LRRK2: variants seen among roughly 807,000 people sequenced by gnomAD.
LRRK2 encodes the protein leucine-rich repeat serine/threonine-protein kinase 2.
In LRRK2, 203 loss-of-function variants were observed where a neutral mutation model predicts 302.6. That is an observed-to-expected ratio of 0.67 (90% CI 0.60 to 0.75). The LOEUF (loss-of-function observed/expected upper bound fraction) is 0.75. LRRK2 is among the 30% of genes least tolerant of loss of function. LRRK2 has a pLI of 0.00. For missense variants in LRRK2, 2,830 were observed against 2,951.0 expected, an observed-to-expected ratio of 0.96 and a Z score of 0.95; for synonymous variants, 1,066 against 1,031.9, an observed-to-expected ratio of 1.03 and a Z score of -0.63.
intron 6 of LRRK2, among the ~76,000 whole-genome samples, chr12:40,242,179 G>A (rs1222954552): frequency 1.3e-5 from 2 of 152,084 alleles, no homozygotes; most frequent in Admixed American, 6.6e-5. Context: ...TTGCTTTTCA[G>A]TCTTTAAGTC....
At chr12:40,313,912 C>A in intron 31 of LRRK2, 60 bp from the exon 32 acceptor site, 1 of 1,444,114 alleles carries the variant, frequency 6.9e-7, no homozygotes. Context: ...AATTTGCCAA[C>A]CATTTGACAA....
At chr12:40,264,696 G>A (rs1441873171) in intron 14 of LRRK2, among the ~76,000 whole-genome samples, 5 of 152,098 alleles carry the variant, frequency 3.3e-5, no homozygotes, top group East Asian at 1.9e-4. Flanking sequence ...ATTGTTCTCC[G>A]GAGAAATAAC....
rs201807960 is a variant in LRRK2, at chr12:40,328,417, T to C, written c.5714T>C (p.Val1905Ala). 1.9e-5 allele frequency: 30 copies of C among 1,613,584 alleles called. No individual in the cohort carries two copies. Among genetic ancestry groups the C allele is most frequent in the Non-Finnish European group, 2.5e-5 (29 of 1,179,730 alleles). The change falls in exon 39 of 51, where the codon GTG becomes GCG. Residue 1905 changes from valine (V) to alanine (A), a missense_variant. Val to Ala is a moderately conservative substitution (Grantham distance 64). This residue lies in a region of LRRK2 where 253 missense variants were observed against 346.7 expected (regional missense o/e 0.73). Coordinates refer to ENST00000298910, the MANE Select transcript of LRRK2 (RefSeq NM_198578.4). ...GCCTATGAAGGAGAAGAAGTGGCTG[T>C]GAAGATTTTTAATAAACATACATCA... ...RAAYEGEEVA[V>A]KIFNKHTSLR...
At position 40,320,054 on chromosome 12, in the gene LRRK2, GAAAAATTTCTTTCA is replaced by G; in HGVS notation, c.4900_4913del (p.Phe1634LysfsTer13). 1 of 1,611,734 alleles carries G rather than the reference GAAAAATTTCTTTCA, an allele frequency of 6.2e-7. No homozygotes were observed. Among genetic ancestry groups the G allele is most frequent in the Non-Finnish European group, 8.5e-7 (1 of 1,178,734 alleles). ...GGGCATTATTTCGCGTAGAGATGTG[GAAAAATTTCTTTCA>G]AAAAAAAGGAAATTTCCAAAGAACT... On this transcript the variant is annotated frameshift_variant, in exon 34 of 51. Coordinates refer to ENST00000298910, the MANE Select transcript of LRRK2 (RefSeq NM_198578.4). LOFTEE classifies it high-confidence loss of function.
At chr12:40,287,160 T>G (rs1943958456) in intron 19 of LRRK2, among the ~76,000 whole-genome samples, 191 bp from the exon 20 acceptor site, 1 of 152,004 alleles carries the variant, frequency 6.6e-6, no homozygotes, top group Non-Finnish European at 1.5e-5. Context: ...GTGTACATGG[T>G]TATGTTTTTT....
intron 13 of LRRK2, 66 bp downstream of exon 13, chr12:40,259,670 T>C (rs1194409415): frequency 6.3e-6 from 10 of 1,583,306 alleles, no homozygotes; most frequent in Non-Finnish European, 8.7e-6. Flanking sequence ...TTTCATGAAA[T>C]AGCAATATTC....
rs1946943272 is a variant in LRRK2, at chr12:40,368,543, T to C, written c.*778T>C. ...CTGAATTTTGTATAATTAGTGTAAA[T>C]ACAGTGTTCAGTCCTTCAAGTGATA... On this transcript the variant is annotated 3_prime_UTR_variant, in exon 51 of 51. Coordinates refer to ENST00000298910, the MANE Select transcript of LRRK2 (RefSeq NM_198578.4). The C allele has an allele frequency of 6.6e-6, 1 of 151,904 alleles. No individual in the cohort carries two copies. Among genetic ancestry groups the C allele is most frequent in the Non-Finnish European group, 1.5e-5 (1 of 67,772 alleles). 9.4% of individuals were successfully genotyped at this position (151,904 alleles called of 1,614,324 possible).
At chr12:40,275,081 G>T in intron 16 of LRRK2, 88 bp downstream of exon 16, 1 of 1,387,922 alleles carries the variant, frequency 7.2e-7, no homozygotes, top group South Asian at 1.2e-5. Context: ...TGCATGAATG[G>T]GGTATTCTAG....
intron 2 of LRRK2, among the ~76,000 whole-genome samples, chr12:40,226,978 G>A (rs946406310): frequency 2.0e-5 from 3 of 151,900 alleles, no homozygotes; most frequent in African/African-American, 7.3e-5. Context: ...TGGTCTGCAG[G>A]GTCTAGATAA....
At chr12:40,353,596 G>A (rs971248850) in intron 44 of LRRK2, among the ~76,000 whole-genome samples, 8 of 152,154 alleles carry the variant, frequency 5.3e-5, no homozygotes, top group Non-Finnish European at 5.9e-5. Context: ...GCCGGGCAGA[G>A]GCTGCAATCT....
intron 2 of LRRK2, among the ~76,000 whole-genome samples, chr12:40,230,670 T>C (rs75388111): frequency 1.2e-4 from 15 of 122,050 alleles, no homozygotes; most frequent in South Asian, 5.1e-4. Flanking sequence ...CACTTTCTCT[T>C]TTTTTTTTTT....
At chr12:40,321,579 T>C (rs116122008) in intron 35 of LRRK2, among the ~76,000 whole-genome samples, 1,742 of 152,174 alleles carry the variant, frequency 0.011, 39 homozygotes, top group African/African-American at 0.04. Flanking sequence ...ATTTTGGTAC[T>C]CCAAAGGGAA....
chr12:40,329,899 A>T (rs186885360), intron 39 of LRRK2, among the ~76,000 whole-genome samples: 93 of 152,270 alleles, frequency 6.1e-4, no homozygotes, highest in Non-Finnish European at 1.2e-3. Context: ...ATATATTTTT[A>T]AAAAACGTAC....
At chr12:40,277,449 G>C (rs898612792) in intron 16 of LRRK2, among the ~76,000 whole-genome samples, 4 of 152,104 alleles carry the variant, frequency 2.6e-5, no homozygotes, top group African/African-American at 9.7e-5. Flanking sequence ...AAAAAGCTGG[G>C]GGATATGCTA....
intron 2 of LRRK2, among the ~76,000 whole-genome samples, chr12:40,230,851 G>A (rs1208366446): frequency 1.3e-5 from 2 of 151,696 alleles, no homozygotes; most frequent in African/African-American, 4.8e-5. Context: ...TAGTCAAGTT[G>A]GCATCTTGTA....
At chr12:40,239,460 A>G (rs977626509) in intron 5 of LRRK2, among the ~76,000 whole-genome samples, 3 of 152,176 alleles carry the variant, frequency 2.0e-5, no homozygotes, top group African/African-American at 4.8e-5. Context: ...TCTTCCTGGA[A>G]GGAGGGCTAG....
chr12:40,367,709 C>A lies in LRRK2; in HGVS notation c.7528C>A (p.His2510Asn). The A allele has an allele frequency of 6.2e-7, 1 of 1,604,088 alleles. No individual in the cohort carries two copies. The highest frequency in any genetic ancestry group is 8.5e-7 in the Non-Finnish European group (1 of 1,174,264). Residue 2510 changes from histidine to asparagine, a missense_variant, in exon 51 of 51, where the codon CAC (histidine) becomes AAC (asparagine). By Grantham distance (68) the His-to-Asn change is moderately conservative (BLOSUM62 1). Transcript: ENST00000298910. ...ACATGAAGTGCAAAATTTAGAAAAA[C>A]ACATTGAAGTGAGAAAAGAATTAGC... Reference protein sequence around the residue: ...LPHEVQNLEKHIEVRKELAEK... With the variant: ...LPHEVQNLEKNIEVRKELAEK...
chr12:40,326,889 A>T (rs571496584), intron 38 of LRRK2, among the ~76,000 whole-genome samples: 40 of 152,372 alleles, frequency 2.6e-4, no homozygotes, highest in African/African-American at 9.6e-4. Context: ...ATCTAATAGA[A>T]ATACAAGACA....
chr12:40,225,386 A>C, intron 1 of LRRK2, 104 bp downstream of exon 1: 3 of 1,420,484 alleles, frequency 2.1e-6, no homozygotes, highest in Non-Finnish European at 2.9e-6. Flanking sequence ...TCAAACCCGG[A>C]CTCTTAAGGA....
Sources: gnomAD v4.1 joint callset for allele counts (sites outside exome capture counted in the v4.1 genomes callset) on GRCh38, gnomAD v4.1.1 for gene constraint, gnomAD v4.1.1 regional missense constraint, MANE v1.5 for transcripts, NCBI Gene and HGNC (gene_info 2026-07-23, HGNC 2026-07-21) for gene names.